Variants in IGF2R observed in about 807,000 individuals in gnomAD.
IGF2R encodes insulin like growth factor 2 receptor.
IGF2R carries 91 observed loss-of-function variants against 270.6 expected under a neutral mutation model. The observed-to-expected ratio is 0.34, with a 90% CI of 0.28 to 0.40. The LOEUF (loss-of-function observed/expected upper bound fraction) is 0.40. Ranked by LOEUF, IGF2R falls within the 10% of genes least tolerant of loss-of-function variation. The probability of loss-of-function intolerance (pLI) is 1.00; values close to 1 mark genes in which losing one functional copy is unlikely to be tolerated. For missense variants in IGF2R, 2,805 were observed against 3,188.3 expected, an observed-to-expected ratio of 0.88 and a Z score of 2.90; for synonymous variants, 1,316 against 1,258.9, an observed-to-expected ratio of 1.05 and a Z score of -0.96.
Position 160,058,064 on chromosome 6 carries a change from T to A in IGF2R, c.2838T>A (p.Asn946Lys). The A allele has an allele frequency of 6.2e-7, 1 of 1,613,918 alleles. No homozygotes were observed. Among genetic ancestry groups the A allele is most frequent in the Non-Finnish European group, 8.5e-7 (1 of 1,179,770 alleles). Residue 946 changes from asparagine to lysine, a missense_variant, in exon 21 of 48, where the codon AAT becomes AAA. This residue lies in a region of IGF2R where 1,851 missense variants were observed against 2,207.2 expected (regional missense o/e 0.84). Coordinates refer to ENST00000356956, the MANE Select transcript of IGF2R (RefSeq NM_000876.4). ...IRDPNSGFVF[N>K]LNPLNSSQGY... ...ATCCCAACAGTGGATTTGTGTTTAATCTTAATCCGCTAAACAGTTCGCAAG... is the reference window on the plus strand; with the variant it reads ...ATCCCAACAGTGGATTTGTGTTTAAACTTAATCCGCTAAACAGTTCGCAAG...
chr6:159,980,904 G>A (rs1257622904), intron 1 of IGF2R, among the ~76,000 whole-genome samples: 2 of 152,218 alleles, frequency 1.3e-5, no homozygotes, highest in African/African-American at 2.4e-5. Flanking sequence ...TTATACATGA[G>A]GAGCAAAGTA....
At chr6:160,055,010 T>G (rs1007663668) in intron 19 of IGF2R, among the ~76,000 whole-genome samples, 4 of 152,090 alleles carry the variant, frequency 2.6e-5, no homozygotes, top group African/African-American at 9.7e-5. Context: ...ACACTTCCTT[T>G]AGAGTTGAAG....
intron 2 of IGF2R, among the ~76,000 whole-genome samples, chr6:159,993,876 T>G (rs1178016052): frequency 6.6e-6 from 1 of 152,084 alleles, no homozygotes; most frequent in Non-Finnish European, 1.5e-5. Context: ...CTGTGTTCAT[T>G]AGGGATATTG....
At chr6:159,974,553 T>C (rs1053567546) in intron 1 of IGF2R, among the ~76,000 whole-genome samples, 3 of 152,184 alleles carry the variant, frequency 2.0e-5, no homozygotes, top group African/African-American at 7.2e-5. Flanking sequence ...GACTATAACT[T>C]TTTATGGTTT....
intron 1 of IGF2R, among the ~76,000 whole-genome samples, chr6:159,990,963 G>T (rs1255391416): frequency 6.6e-6 from 1 of 152,206 alleles, no homozygotes; most frequent in Non-Finnish European, 1.5e-5. Flanking sequence ...GAGTCCTGAG[G>T]TAGCTTCAGA....
At chr6:159,972,631 G>T (rs1003857071) in intron 1 of IGF2R, among the ~76,000 whole-genome samples, 16 of 152,216 alleles carry the variant, frequency 1.1e-4, no homozygotes, top group Admixed American at 9.8e-4. Context: ...TGCTTCAGGG[G>T]TGCCTGCGAG....
chr6:160,059,872 A>G (rs1162083410), intron 22 of IGF2R, among the ~76,000 whole-genome samples: 1 of 152,384 alleles, frequency 6.6e-6, no homozygotes, highest in African/African-American at 2.4e-5. Context: ...CGTCTGCTTC[A>G]TTCATTCCGA....
At chr6:160,030,747 C>T (rs1369174867) in intron 7 of IGF2R, among the ~76,000 whole-genome samples, 6 of 150,508 alleles carry the variant, frequency 4.0e-5, no homozygotes, top group Non-Finnish European at 8.8e-5. Context: ...CCTTTTTCTT[C>T]GAAGGGGTAT....
chr6:160,043,687 T>TA (rs1449373725), intron 12 of IGF2R, among the ~76,000 whole-genome samples: 1 of 152,274 alleles, frequency 6.6e-6, no homozygotes, highest in East Asian at 1.9e-4. Context: ...GCTGTAGCCC[T>TA]AGTGTAAGAG....
At chr6:160,044,034 G>A (rs971368490) in intron 12 of IGF2R, among the ~76,000 whole-genome samples, 2 of 152,122 alleles carry the variant, frequency 1.3e-5, no homozygotes, top group African/African-American at 2.4e-5. Flanking sequence ...AGAAGTAAGC[G>A]GCCTCCTGCT....
chr6:160,052,008 C>G (rs992490106), intron 19 of IGF2R, among the ~76,000 whole-genome samples: 6 of 150,624 alleles, frequency 4.0e-5, no homozygotes, highest in African/African-American at 1.5e-4. Context: ...CCAGGAGTCT[C>G]AGACTAGCCT....
In IGF2R at chr6:160,046,540, C is replaced by G; in HGVS notation, c.1946C>G (p.Ala649Gly). The G allele has an allele frequency of 6.2e-7, 1 of 1,613,142 alleles. No homozygotes were observed. The highest frequency in any genetic ancestry group is 8.5e-7 in the Non-Finnish European group (1 of 1,179,710). Residue 649 changes from alanine to glycine, a missense_variant, in exon 15 of 48, where the codon GCC (alanine) becomes GGC (glycine). By Grantham distance (60) the Ala-to-Gly change is moderately conservative. Transcript: ENST00000356956. Reference sequence around the variant, plus strand: ...TCACCTCTCACAAAGAAAAATGGTGCCTATAAAGTTGAGACAAAGAAGTAT... The same window carrying G: ...TCACCTCTCACAAAGAAAAATGGTGGCTATAAAGTTGAGACAAAGAAGTAT... ...DLSPLTKKNG[A>G]YKVETKKYDF...
chr6:160,067,456 T>C (rs1471141126), intron 29 of IGF2R, among the ~76,000 whole-genome samples: 3 of 152,218 alleles, frequency 2.0e-5, no homozygotes, highest in Non-Finnish European at 4.4e-5. Context: ...AAGTCTTATC[T>C]TGTTCACGGT....
chr6:160,009,404 T>A (rs1213944209), intron 3 of IGF2R, among the ~76,000 whole-genome samples: 2 of 152,260 alleles, frequency 1.3e-5, no homozygotes, highest in Non-Finnish European at 2.9e-5. Flanking sequence ...CACTGTTTAA[T>A]GTTTAAGTTA....
At chr6:160,029,410 T>C in intron 6 of IGF2R, 140 bp from the exon 7 acceptor site, 1 of 558,040 alleles carries the variant, frequency 1.8e-6, no homozygotes, top group Admixed American at 3.2e-5. Flanking sequence ...TTTTATACCA[T>C]ATCTACTTTT....
intron 1 of IGF2R, among the ~76,000 whole-genome samples, chr6:159,975,993 T>A (rs1783687770): frequency 6.6e-6 from 1 of 151,846 alleles, no homozygotes; most frequent in Non-Finnish European, 1.5e-5. Context: ...ATTAATAATA[T>A]GTTTGCTTTG....
intron 4 of IGF2R, among the ~76,000 whole-genome samples, chr6:160,012,656 A>G (rs1266531736): frequency 1.3e-5 from 2 of 151,248 alleles, no homozygotes; most frequent in Admixed American, 6.6e-5. Flanking sequence ...CCCGCCTCCA[A>G]TGTTGAGGAT....
chr6:160,105,272 A>G lies in IGF2R; in HGVS notation c.*188A>G, dbSNP rs1779589182. On this transcript the variant is annotated 3_prime_UTR_variant, in exon 48 of 48. Coordinates refer to ENST00000356956, the MANE Select transcript of IGF2R (RefSeq NM_000876.4). ...CACTCCTTCCTGATTGTTTACAGTC[A>G]TTGGAATAAGGCATGGCTCAGATCG... 4 of 581,240 alleles carry G rather than the reference A, an allele frequency of 6.9e-6. No individual in the cohort carries two copies. The highest frequency in any genetic ancestry group is 1.2e-5 in the Non-Finnish European group (4 of 331,896). The allele number at this position is 581,240 out of a possible 1,614,324, so 36.0% of individuals were successfully genotyped here.
chr6:160,084,918 A>G lies in IGF2R; in HGVS notation c.6069-77A>G, dbSNP rs1467621992. 1 of 1,402,172 alleles carries G rather than the reference A, an allele frequency of 7.1e-7. No homozygotes were observed. The highest frequency in any genetic ancestry group is 2.1e-5 in the Admixed American group (1 of 48,208). The allele number at this position is 1,402,172 out of a possible 1,614,324, so 86.9% of individuals were successfully genotyped here. On this transcript the variant is annotated intron_variant, in intron 40 of 47. Transcript: ENST00000356956. This position sits in a 1 kb window ranked among gnomAD's most constrained non-coding sequence, Gnocchi z 4.6. ...TTATCAGAACCTTTCTCTGAAAGTA[A>G]AGTGAAGAGCCCTCCTGTGTCAGGG... is the stretch of plus-strand genomic sequence containing the variant.
Sources: allele counts gnomAD v4.1 joint callset (sites outside exome capture counted in the v4.1 genomes callset), GRCh38; gene constraint gnomAD v4.1.1; regional missense constraint gnomAD v4.1.1; non-coding constraint Gnocchi (gnomAD v3.1); transcripts MANE v1.5; gene names NCBI Gene and HGNC (gene_info 2026-07-23, HGNC 2026-07-21).